LPP: variants seen among roughly 807,000 people sequenced by gnomAD.
The protein encoded by LPP is lipoma-preferred partner.
A neutral mutation model predicts 60.4 loss-of-function variants in LPP; 38 were observed. That is an observed-to-expected ratio of 0.63 (90% CI 0.49 to 0.83). LPP has a LOEUF of 0.83. Among genes scored for constraint, LPP ranks in the 40% least tolerant of loss-of-function variants. LPP has a pLI of 0.00. For synonymous variants in LPP, 328 were observed against 290.8 expected (o/e 1.13, Z -1.30); for missense variants, 902 against 783.6 (o/e 1.15, Z -1.80).
At chr3:188,238,497 G>A (rs567710020) in intron 2 of LPP, among the ~76,000 whole-genome samples, 70 of 152,018 alleles carry the variant, frequency 4.6e-4, no homozygotes, top group Non-Finnish European at 6.3e-4. Flanking sequence ...TGATTAAAGT[G>A]AGAGATGTGC....
intron 2 of LPP, among the ~76,000 whole-genome samples, chr3:188,313,375 C>T (rs991707675): frequency 4.6e-5 from 7 of 151,874 alleles, no homozygotes; most frequent in Admixed American, 6.6e-5. Context: ...CGTGGTGGCT[C>T]ACGCCTGTAA....
chr3:188,433,343 A>G (rs1180512636), intron 4 of LPP, among the ~76,000 whole-genome samples: 2 of 152,118 alleles, frequency 1.3e-5, no homozygotes, highest in African/African-American at 4.8e-5. Context: ...AAGAAAGTCA[A>G]TCATTTTGTA....
intron 3 of LPP, among the ~76,000 whole-genome samples, chr3:188,384,788 TCAAAAA>T (rs750114739): frequency 9.0e-6 from 1 of 111,674 alleles, no homozygotes; most frequent in Non-Finnish European, 1.9e-5. Context: ...AGACTCTGTC[TCAAAAA>T]AAAAAAAAAA....
At chr3:188,545,757 G>A (rs116349169) in intron 6 of LPP, among the ~76,000 whole-genome samples, 3,474 of 152,180 alleles carry the variant, frequency 0.023, 134 homozygotes, top group African/African-American at 0.08. Context: ...AGAGAGAAAG[G>A]TAGAAATGCC....
rs958200635 is a variant in LPP, at chr3:188,572,523, A to G, written c.430-36638A>G. 6.6e-6 allele frequency among the ~76,000 whole-genome samples: 1 copy of G among 152,052 alleles called. No individual in the cohort carries two copies. The highest frequency in any genetic ancestry group is 2.4e-5 in the African/African-American group (1 of 41,392). ...AGAGTGCAATGAAAGAATATTTTGGATTGACCAAAAGTCTAGAGAACCTGA... is the reference window on the plus strand; with the variant it reads ...AGAGTGCAATGAAAGAATATTTTGGGTTGACCAAAAGTCTAGAGAACCTGA... On this transcript the variant is annotated intron_variant, in intron 6 of 11. Transcript: ENST00000617246. The surrounding 1 kb of genome is among the most constrained non-coding windows in gnomAD (Gnocchi z 4.1).
chr3:188,346,702 A>C lies in LPP; in HGVS notation c.-10+4983A>C, dbSNP rs541790324. Among the ~76,000 whole-genome samples the C allele has an allele frequency of 6.4e-4, 97 of 152,356 alleles. No homozygotes were observed. In the Middle Eastern group the frequency reaches 0.014, roughly 21 times the overall value. ...TTTATGAAATAGTTGGAAAATGCAG[A>C]ACTCCAGAAAATGCTATCAACAAGT... On this transcript the variant is annotated intron_variant, in intron 3 of 11. Coordinates refer to ENST00000617246, the MANE Select transcript of LPP (RefSeq NM_001375462.1).
intron 9 of LPP, among the ~76,000 whole-genome samples, chr3:188,791,367 G>C (rs1743683797): frequency 6.6e-6 from 1 of 152,100 alleles, no homozygotes. Flanking sequence ...TCTTCAATGA[G>C]TCCCTCTTCC....
intron 4 of LPP, among the ~76,000 whole-genome samples, chr3:188,411,108 A>G (rs1043784345): frequency 6.6e-6 from 1 of 152,096 alleles, no homozygotes; most frequent in African/African-American, 2.4e-5. Context: ...ATATACCACA[A>G]TTTTTTATCC....
intron 4 of LPP, among the ~76,000 whole-genome samples, chr3:188,469,735 G>A (rs7650186): frequency 0.99 from 151,215 of 152,172 alleles, 75,141 homozygotes; most frequent in Middle Eastern, 1. Context: ...ACTCTTTGGA[G>A]CCCTGGTGTG....
At chr3:188,300,770 G>A (rs1401237061) in intron 2 of LPP, among the ~76,000 whole-genome samples, 1 of 152,116 alleles carries the variant, frequency 6.6e-6, no homozygotes. Flanking sequence ...CTTCATAGAA[G>A]GATACAATAG....
At chr3:188,772,484 TTTTTC>T (rs1026008266) in intron 9 of LPP, among the ~76,000 whole-genome samples, 9 of 151,962 alleles carry the variant, frequency 5.9e-5, no homozygotes, top group African/African-American at 1.9e-4. Context: ...AGGTCACCCT[TTTTTC>T]TTTTCTTTTC....
intron 5 of LPP, among the ~76,000 whole-genome samples, chr3:188,494,561 T>G (rs1021568943): frequency 2.6e-5 from 4 of 152,146 alleles, no homozygotes; most frequent in Non-Finnish European, 5.9e-5. Context: ...TCACCCTTTT[T>G]GTTATGACAG....
In LPP at chr3:188,268,137, A is replaced by G. The variant is rs534446592; in HGVS notation, c.-67+42610A>G. Among the ~76,000 whole-genome samples the G allele has an allele frequency of 1.4e-4, 20 of 146,756 alleles. No individual in the cohort carries two copies. The East Asian group carries it at 3.0e-3, about 22-fold the overall frequency. ...ACCTACCTGCACGTGACACTCTGCTATTCTTCAGAGAAGGTTCTGACCTTT... is the reference window on the plus strand; with the variant it reads ...ACCTACCTGCACGTGACACTCTGCTGTTCTTCAGAGAAGGTTCTGACCTTT... On this transcript the variant is annotated intron_variant, in intron 2 of 11. Coordinates refer to ENST00000617246, the MANE Select transcript of LPP (RefSeq NM_001375462.1).
chr3:188,428,718 G>A (rs1790141596), intron 4 of LPP, among the ~76,000 whole-genome samples: 1 of 151,704 alleles, frequency 6.6e-6, no homozygotes, highest in South Asian at 2.1e-4. Context: ...TATTTCTAGT[G>A]CAGGAAACTG....
At chr3:188,203,717 G>A (rs921346370) in intron 1 of LPP, among the ~76,000 whole-genome samples, 13 of 148,576 alleles carry the variant, frequency 8.7e-5, no homozygotes, top group African/African-American at 3.2e-4. Flanking sequence ...CTAGGCTCAA[G>A]CAATCCTTCT....
Position 188,447,337 on chromosome 3 carries a change from C to T in LPP, c.194-37255C>T, listed in dbSNP as rs142836402. Among the ~76,000 whole-genome samples the T allele has an allele frequency of 7.5e-3, 1,138 of 152,164 alleles. 24 individuals are homozygous for T. The East Asian group carries it at 0.076, about 10-fold the overall frequency. ...AAAGCAAAAGTGACTCTTGGCTGGG[C>T]GTGGTGGCTCACGCCTGTAATCCCA... On this transcript the variant is annotated intron_variant, in intron 4 of 11. Coordinates refer to ENST00000617246, the MANE Select transcript of LPP (RefSeq NM_001375462.1).
chr3:188,495,066 A>ATG (rs1809574087), intron 5 of LPP, among the ~76,000 whole-genome samples: 3 of 91,826 alleles, frequency 3.3e-5, no homozygotes, highest in African/African-American at 1.9e-4. Context: ...TCAGGATTTT[A>ATG]TATATATATA....
At chr3:188,198,096 C>G (rs1730048607) in intron 1 of LPP, among the ~76,000 whole-genome samples, 1 of 152,176 alleles carries the variant, frequency 6.6e-6, no homozygotes, top group African/African-American at 2.4e-5. Flanking sequence ...TTGCTATGTG[C>G]CAGTCACTGT....
chr3:188,822,239 A>G (rs1181526619), intron 9 of LPP, among the ~76,000 whole-genome samples: 1 of 152,108 alleles, frequency 6.6e-6, no homozygotes, highest in Non-Finnish European at 1.5e-5. Flanking sequence ...AGTGAAATGA[A>G]GCAACATTGG....
Sources: gnomAD v4.1 joint callset for allele counts (sites outside exome capture counted in the v4.1 genomes callset) on GRCh38, gnomAD v4.1.1 for gene constraint, Gnocchi (gnomAD v3.1) non-coding constraint, MANE v1.5 for transcripts, NCBI Gene and HGNC (gene_info 2026-07-23, HGNC 2026-07-21) for gene names.